The following KIAA0930 variants were observed in gnomAD, a reference collection of about 807,000 sequenced individuals.
KIAA0930 encodes uncharacterized protein KIAA0930.
In KIAA0930, 24 loss-of-function variants were observed where a neutral mutation model predicts 43.9. That is an observed-to-expected ratio of 0.55 (90% confidence interval 0.40 to 0.77). The LOEUF is 0.77. Among genes scored for constraint, KIAA0930 ranks in the 30% least tolerant of loss-of-function variants. The pLI, the probability that KIAA0930 is intolerant of heterozygous loss-of-function variation, is 0.00. For synonymous variants in KIAA0930, 259 were observed against 216.4 expected (o/e 1.20, Z -1.73); for missense variants, 461 against 574.2 (o/e 0.80, Z 2.02).
chr22:45,234,008 C>G (rs1028682847), intron 1 of KIAA0930, among the ~76,000 whole-genome samples: 5 of 152,244 alleles, frequency 3.3e-5, no homozygotes, highest in African/African-American at 1.2e-4. Flanking sequence ...CCCACAGAAC[C>G]CTTAGCGGGA....
chr22:45,214,105 A>G (rs978607261), intron 1 of KIAA0930, among the ~76,000 whole-genome samples: 27 of 152,276 alleles, frequency 1.8e-4, no homozygotes, highest in Non-Finnish European at 3.7e-4. Flanking sequence ...TGAGCCCGGG[A>G]GGCAGAGGTT....
At chr22:45,199,332 C>T (rs773440759) in intron 8 of KIAA0930, among the ~76,000 whole-genome samples, 1 of 152,184 alleles carries the variant, frequency 6.6e-6, no homozygotes, top group Non-Finnish European at 1.5e-5. Context: ...CAGATACAGA[C>T]AACCGGAGTC....
At chr22:45,231,239 AAG>A (rs1285157050) in intron 1 of KIAA0930, among the ~76,000 whole-genome samples, 30 of 151,794 alleles carry the variant, frequency 2.0e-4, no homozygotes, top group African/African-American at 7.2e-4. Flanking sequence ...AAAAAAAAAA[AAG>A]AAAGAAAATA....
chr22:45,197,740 G>T, intron 9 of KIAA0930, 50 bp downstream of exon 9: 1 of 1,601,208 alleles, frequency 6.2e-7, no homozygotes, highest in South Asian at 1.1e-5. Flanking sequence ...CCTGGAGGCA[G>T]AGCTGGCTGT....
intron 1 of KIAA0930, among the ~76,000 whole-genome samples, chr22:45,221,509 C>T (rs79955786): frequency 0.02 from 3,100 of 152,308 alleles, 105 homozygotes; most frequent in African/African-American, 0.071. Context: ...AGAACTTAAG[C>T]TCCATGAACA....
intron 2 of KIAA0930, among the ~76,000 whole-genome samples, chr22:45,206,755 T>C (rs978764131): frequency 6.6e-6 from 1 of 151,136 alleles, no homozygotes; most frequent in Non-Finnish European, 1.5e-5. Context: ...CAGGCTACAG[T>C]GCAACACATC....
chr22:45,201,493 C>T (rs1008875885), intron 7 of KIAA0930, among the ~76,000 whole-genome samples: 11 of 152,164 alleles, frequency 7.2e-5, no homozygotes, highest in African/African-American at 1.7e-4. Context: ...AGGTGGCACC[C>T]GGGTTTGTCC....
intron 1 of KIAA0930, among the ~76,000 whole-genome samples, chr22:45,233,958 C>T (rs1298064285): frequency 6.6e-6 from 1 of 152,172 alleles, no homozygotes; most frequent in Non-Finnish European, 1.5e-5. Flanking sequence ...GGGGCTGGGG[C>T]TGCACAGGAG....
chr22:45,232,266 A>G (rs1177838743), intron 1 of KIAA0930, among the ~76,000 whole-genome samples: 4 of 152,228 alleles, frequency 2.6e-5, no homozygotes, highest in African/African-American at 9.6e-5. Flanking sequence ...CACACGCTTC[A>G]TAACATGTGG....
At chr22:45,211,872 G>C in intron 2 of KIAA0930, 84 bp downstream of exon 2, 1 of 1,390,304 alleles carries the variant, frequency 7.2e-7, no homozygotes, top group Non-Finnish European at 9.9e-7. Flanking sequence ...GAGCACTGTA[G>C]GAAAGCCCAC....
chr22:45,212,590 C>T (rs2083704932), intron 1 of KIAA0930: 2 of 1,372,362 alleles, frequency 1.5e-6, no homozygotes, highest in Admixed American at 6.4e-5. Context: ...CAGCCGCCCT[C>T]CAGCCAGCCA....
At chr22:45,220,325 G>A (rs2083759797) in intron 1 of KIAA0930, among the ~76,000 whole-genome samples, 1 of 151,928 alleles carries the variant, frequency 6.6e-6, no homozygotes, top group African/African-American at 2.4e-5. Context: ...TGCGGTGGCA[G>A]GTGCCTATAA....
chr22:45,239,369 C>T (rs990068634), intron 1 of KIAA0930, among the ~76,000 whole-genome samples: 3 of 152,196 alleles, frequency 2.0e-5, no homozygotes, highest in Non-Finnish European at 4.4e-5. Context: ...AATCTTGACA[C>T]CTTTTCAGAA....
rs2083509240 is a variant in KIAA0930, at chr22:45,193,566, C to T, written c.*3610G>A. On this transcript the variant is annotated 3_prime_UTR_variant, in exon 10 of 10. Transcript: ENST00000336156. ...GCACCTCAGGAACATGCATTTATAC[C>T]CTTCCTGTGACTCCGTGTAGAGGGA... is the stretch of plus-strand genomic sequence containing the variant. 1 of 152,092 alleles carries T rather than the reference C, an allele frequency of 6.6e-6. No homozygotes were observed. Among genetic ancestry groups the T allele is most frequent in the South Asian group, 2.1e-4 (1 of 4,828 alleles). The allele number at this position is 152,092 out of a possible 1,614,324, so 9.4% of individuals were successfully genotyped here. A position where few individuals can be genotyped will look rare whatever the true frequency, so the allele number is the denominator to read the frequency against.
intron 1 of KIAA0930, among the ~76,000 whole-genome samples, chr22:45,218,346 T>A (rs1173066937): frequency 7.2e-6 from 1 of 139,708 alleles, no homozygotes; most frequent in East Asian, 2.1e-4. Context: ...TTTTTTTTTT[T>A]TTTTTTTTTT....
chr22:45,232,393 G>A (rs986750523), intron 1 of KIAA0930, among the ~76,000 whole-genome samples: 2 of 152,208 alleles, frequency 1.3e-5, no homozygotes, highest in Non-Finnish European at 2.9e-5. Flanking sequence ...AAAGATAATG[G>A]ACACGTGGAG....
chr22:45,199,088 C>T (rs1352638551), intron 8 of KIAA0930, among the ~76,000 whole-genome samples: 5 of 152,318 alleles, frequency 3.3e-5, no homozygotes, highest in South Asian at 4.1e-4. Context: ...CTGTCTGTGA[C>T]GGCCACGCCT....
At position 45,202,987 on chromosome 22, in the gene KIAA0930, T is replaced by C; in HGVS notation, c.852+3A>G. The C allele has an allele frequency of 6.2e-7, 1 of 1,603,808 alleles. No homozygotes were observed. Among genetic ancestry groups the C allele is most frequent in the Non-Finnish European group, 8.5e-7 (1 of 1,174,934 alleles). ...CCCCCGCCCCCAGCTGTGCAGCCCT[T>C]ACCCGCTCGTGCATGGGCGAAGCTG... On this transcript the variant is annotated splice_donor_region_variant and intron_variant, in intron 7 of 9. Coordinates refer to ENST00000336156, the MANE Select transcript of KIAA0930 (RefSeq NM_001009880.2).
chr22:45,235,574 T>C (rs937343836), intron 1 of KIAA0930, among the ~76,000 whole-genome samples: 13 of 128,696 alleles, frequency 1.0e-4, no homozygotes, highest in African/African-American at 3.4e-4. Flanking sequence ...AGCTTCCGCA[T>C]TGACTCAAAG....
Sources: allele counts gnomAD v4.1 joint callset (sites outside exome capture counted in the v4.1 genomes callset), GRCh38; gene constraint gnomAD v4.1.1; transcripts MANE v1.5; gene names NCBI Gene and HGNC (gene_info 2026-07-23, HGNC 2026-07-21).